Variants in NDUFAF7 observed in about 807,000 individuals in gnomAD.
NDUFAF7 encodes NADH:ubiquinone oxidoreductase complex assembly factor 7.
NDUFAF7 carries 48 observed loss-of-function variants against 47.2 expected under a neutral mutation model. The ratio of observed to expected loss-of-function variants is 1.02; its 90% CI spans 0.81 to 1.29. The LOEUF (loss-of-function observed/expected upper bound fraction) is 1.29, where lower values mean the gene tolerates loss of function less well. NDUFAF7 is among the 50% of genes most tolerant of loss of function. The probability of loss-of-function intolerance (pLI) is 0.00; values close to 1 mark genes in which losing one functional copy is unlikely to be tolerated. For synonymous variants in NDUFAF7, 217 were observed against 190.0 expected, an observed-to-expected ratio of 1.14 and a Z score of -1.17; for missense variants, 635 against 537.6, an observed-to-expected ratio of 1.18 and a Z score of -1.79.
downstream of NDUFAF7, chr2:37,250,353 A>T (rs894632490): frequency 2.6e-5 from 4 of 152,146 alleles, no homozygotes; most frequent in Non-Finnish European, 5.9e-5. Flanking sequence ...GAGTCAGGCA[A>T]TGCCTTATAT....
In NDUFAF7 at chr2:37,247,529, TCA is replaced by T; in HGVS notation, c.1011_1012del (p.Phe337LeufsTer29). On this transcript the variant is annotated frameshift_variant, in exon 9 of 10. Transcript: ENST00000002125. LOFTEE classifies it high-confidence loss of function. ...GCAGATCTAACAGCTGATGTGGACTTCAGTTATTTGCGAAGAATGGCACAGGG... is the reference window on the plus strand; with the variant it reads ...GCAGATCTAACAGCTGATGTGGACTTGTTATTTGCGAAGAATGGCACAGGG... 6.2e-7 allele frequency: 1 copy of T among 1,614,076 alleles called. No homozygotes were observed. Among genetic ancestry groups the T allele is most frequent in the Non-Finnish European group, 8.5e-7 (1 of 1,179,986 alleles).
At chr2:37,262,520 G>A in the NDUFAF7 span, among the ~76,000 whole-genome samples, 63 of 152,278 alleles carry the variant, frequency 4.1e-4, no homozygotes, top group African/African-American at 1.5e-3. Context: ...AATACAAAAT[G>A]ACAACATTTT....
the NDUFAF7 span, chr2:37,267,476 G>C: frequency 1.9e-6 from 3 of 1,610,442 alleles, no homozygotes; most frequent in Non-Finnish European, 2.5e-6. Context: ...TTGTTTTGTG[G>C]GGAATCTCAT....
downstream of NDUFAF7, chr2:37,249,165 C>T (rs1338719103): frequency 6.6e-6 from 1 of 152,154 alleles, no homozygotes. Context: ...AACGAATACA[C>T]TAGTGTACAC....
Position 37,238,905 on chromosome 2 carries a change from C to CA in NDUFAF7, c.408+1055dup, listed in dbSNP as rs35512230. 5.0e-3 allele frequency among the ~76,000 whole-genome samples: 468 copies of CA among 93,034 alleles called. 4 individuals are homozygous for CA. Among genetic ancestry groups the CA allele is most frequent in the African/African-American group, 0.013 (279 of 21,308 alleles). 61.0% of individuals were successfully genotyped at this position (93,034 alleles called of 152,430 possible). On this transcript the variant is annotated intron_variant, in intron 4 of 9. Transcript: ENST00000002125. ...AGGAAAATACAAACGGCTAAAAAAGCAAAAAAAAAAAAAAAAAGATTAGTC... is the reference window on the plus strand; with the variant it reads ...AGGAAAATACAAACGGCTAAAAAAGCAAAAAAAAAAAAAAAAAAGATTAGTC...
chr2:37,252,990 ACTT>A (rs1022450352), downstream of NDUFAF7: 9 of 474,902 alleles, frequency 1.9e-5, no homozygotes, highest in South Asian at 1.8e-4. Context: ...TTCCATTATG[ACTT>A]CTTATTATTC....
rs200722911 is a variant in NDUFAF7, at chr2:37,241,565, T to C, written c.409-13T>C. 39 of 1,604,088 alleles carry C rather than the reference T, an allele frequency of 2.4e-5. No homozygotes were observed. Among genetic ancestry groups the C allele is most frequent in the Non-Finnish European group, 3.2e-5 (38 of 1,172,546 alleles). On this transcript the variant is annotated splice_polypyrimidine_tract_variant and intron_variant, in intron 4 of 9. Transcript: ENST00000002125. ...TAACACATTGTATTTTTTTTTCTTCTTTTGGTATTTAGGTGTTCACTCAAC... is the reference window on the plus strand; with the variant it reads ...TAACACATTGTATTTTTTTTTCTTCCTTTGGTATTTAGGTGTTCACTCAAC...
At chr2:37,232,756 C>T (rs1257983126) in intron 2 of NDUFAF7, among the ~76,000 whole-genome samples, 1 of 152,202 alleles carries the variant, frequency 6.6e-6, no homozygotes, top group Non-Finnish European at 1.5e-5. Context: ...TGGGTTTTCT[C>T]ACATGTGCAG....
downstream of NDUFAF7, among the ~76,000 whole-genome samples, chr2:37,249,641 G>GACACACACACAC (rs1452256080): frequency 1.7e-5 from 1 of 59,558 alleles, no homozygotes; most frequent in East Asian, 1.7e-3. Flanking sequence ...GCCTGTGATA[G>GACACACACACAC]AGACACACAC....
intron 4 of NDUFAF7, among the ~76,000 whole-genome samples, chr2:37,240,319 A>T (rs1666225241): frequency 6.6e-6 from 1 of 151,844 alleles, no homozygotes. Flanking sequence ...AGGGGCTGAG[A>T]TGGGAGGATT....
downstream of NDUFAF7, among the ~76,000 whole-genome samples, chr2:37,249,762 T>C (rs1014417272): frequency 6.6e-6 from 1 of 152,066 alleles, no homozygotes; most frequent in African/African-American, 2.4e-5. Context: ...AAGCTGTGTG[T>C]TAATACTGGA....
chr2:37,239,433 T>C (rs908363285), intron 4 of NDUFAF7, among the ~76,000 whole-genome samples: 2 of 152,166 alleles, frequency 1.3e-5, no homozygotes, highest in Admixed American at 6.5e-5. Context: ...ACAACCTTTT[T>C]GAAAAGCTAT....
rs774214857 is a variant in NDUFAF7 at position 37,231,666 on chromosome 2, C to A, written c.-40C>A. ...GTCTTCTCCCGGAAATGGTCTAAGC[C>A]CCAGCTCCTGGCGGAGCGAGCTAGC... On this transcript the variant is annotated 5_prime_UTR_variant, in exon 1 of 10. Coordinates refer to ENST00000002125, the MANE Select transcript of NDUFAF7 (RefSeq NM_144736.5). 3.7e-6 allele frequency: 6 copies of A among 1,614,002 alleles called. No homozygotes were observed. In the South Asian group the frequency reaches 6.6e-5, roughly 18 times the overall value.
intron 7 of NDUFAF7, 125 bp from the exon 8 acceptor site, chr2:37,245,927 A>T: frequency 9.3e-7 from 1 of 1,070,426 alleles, no homozygotes; most frequent in Non-Finnish European, 1.4e-6. Flanking sequence ...TAGAGAACAT[A>T]CTCATATTAA....
chr2:37,259,458 TA>T, the NDUFAF7 span: 1 of 584,198 alleles, frequency 1.7e-6, no homozygotes, highest in Non-Finnish European at 3.0e-6. Flanking sequence ...AGTTACAGGC[TA>T]AAAACTATTT....
intron 4 of NDUFAF7, among the ~76,000 whole-genome samples, chr2:37,241,131 C>A (rs1309612931): frequency 6.6e-6 from 1 of 151,998 alleles, no homozygotes; most frequent in Non-Finnish European, 1.5e-5. Context: ...ATGTGGCAGA[C>A]CCCCGAGTTA....
At chr2:37,237,638 A>G in intron 3 of NDUFAF7, 119 bp from the exon 4 acceptor site, 2 of 721,718 alleles carry the variant, frequency 2.8e-6, no homozygotes, top group Admixed American at 2.1e-5. Context: ...CAACATACAT[A>G]TGGCTGTACA....
chr2:37,269,592 T>G, the NDUFAF7 span: 1 of 1,585,258 alleles, frequency 6.3e-7, no homozygotes, highest in Non-Finnish European at 8.7e-7. Context: ...GTGTACAATA[T>G]GCAAACGGCT....
At chr2:37,240,328 T>C (rs558003580) in intron 4 of NDUFAF7, among the ~76,000 whole-genome samples, 112 of 152,002 alleles carry the variant, frequency 7.4e-4, no homozygotes, top group African/African-American at 2.6e-3. Flanking sequence ...GATGGGAGGA[T>C]TGCTTGAGCC....
Sources: gnomAD v4.1 joint callset for allele counts (sites outside exome capture counted in the v4.1 genomes callset) on GRCh38, gnomAD v4.1.1 for gene constraint, MANE v1.5 for transcripts, NCBI Gene and HGNC (gene_info 2026-07-23, HGNC 2026-07-21) for gene names.